The following BMP6 variants were observed in gnomAD, a reference collection of about 807,000 sequenced individuals.
BMP6 encodes the protein VG-1-R.
In BMP6, 17 loss-of-function variants were observed where a neutral mutation model predicts 54.1. The ratio of observed to expected loss-of-function variants is 0.31; its 90% CI spans 0.22 to 0.47. The LOEUF is 0.47. Among genes scored for constraint, BMP6 ranks in the 20% least tolerant of loss-of-function variants. The pLI is 1.00. For missense variants in BMP6, 720 were observed against 690.4 expected (o/e 1.04, Z -0.48); for synonymous variants, 328 against 291.2 (o/e 1.13, Z -1.28).
At chr6:7,782,328 G>T (rs186281685) in intron 1 of BMP6, among the ~76,000 whole-genome samples, 1 of 152,234 alleles carries the variant, frequency 6.6e-6, no homozygotes, top group African/African-American at 2.4e-5. Flanking sequence ...CATCAGAGGG[G>T]GATTGTTGAA....
At chr6:7,804,446 A>G (rs1758317018) in intron 1 of BMP6, among the ~76,000 whole-genome samples, 1 of 151,980 alleles carries the variant, frequency 6.6e-6, no homozygotes, top group South Asian at 2.1e-4. Context: ...GTTTATACAT[A>G]GTGATTGTCA....
At chr6:7,826,882 T>C (rs1758705479) in intron 1 of BMP6, among the ~76,000 whole-genome samples, 1 of 152,034 alleles carries the variant, frequency 6.6e-6, no homozygotes, top group South Asian at 2.1e-4. Context: ...TAGGGGGAGG[T>C]GCTCTTTGGC....
intron 1 of BMP6, among the ~76,000 whole-genome samples, chr6:7,783,641 T>G (rs536658914): frequency 1.3e-5 from 2 of 152,264 alleles, no homozygotes; most frequent in Non-Finnish European, 2.9e-5. Context: ...TAAAAATTGT[T>G]AAGATTGACT....
chr6:7,855,590 T>C (rs1759215925), intron 2 of BMP6, among the ~76,000 whole-genome samples: 1 of 145,450 alleles, frequency 6.9e-6, no homozygotes, highest in Non-Finnish European at 1.5e-5. Flanking sequence ...TGAGATGAGT[T>C]GTGCTCTGTC....
intron 1 of BMP6, among the ~76,000 whole-genome samples, chr6:7,798,639 T>C (rs1758225457): frequency 6.6e-6 from 1 of 152,204 alleles, no homozygotes; most frequent in Admixed American, 6.5e-5. Flanking sequence ...CCTCAGATGT[T>C]CCTTCCACAC....
intron 1 of BMP6, among the ~76,000 whole-genome samples, chr6:7,767,791 C>T (rs1757714243): frequency 6.6e-6 from 1 of 152,052 alleles, no homozygotes; most frequent in Admixed American, 6.6e-5. Context: ...GTTTTTTGCT[C>T]TTAGTGTGCC....
intron 1 of BMP6, among the ~76,000 whole-genome samples, chr6:7,737,770 C>G (rs892404052): frequency 3.6e-4 from 55 of 152,200 alleles, no homozygotes; most frequent in African/African-American, 1.3e-3. Flanking sequence ...TTATACACGT[C>G]CATGGAGTCT....
chr6:7,857,007 C>G (rs931097654), intron 2 of BMP6, among the ~76,000 whole-genome samples: 1 of 152,098 alleles, frequency 6.6e-6, no homozygotes, highest in Non-Finnish European at 1.5e-5. Flanking sequence ...GAAGCCTGTC[C>G]ACCAGGAGCT....
At chr6:7,828,068 T>C (rs1412624578) in intron 1 of BMP6, among the ~76,000 whole-genome samples, 3 of 152,274 alleles carry the variant, frequency 2.0e-5, no homozygotes, top group Non-Finnish European at 4.4e-5. Context: ...GTTTTTGTTT[T>C]GTTTTGTTTC....
At chr6:7,877,095 G>GT (rs1455946148) in intron 4 of BMP6, among the ~76,000 whole-genome samples, 1 of 151,928 alleles carries the variant, frequency 6.6e-6, no homozygotes, top group East Asian at 1.9e-4. Flanking sequence ...CTGTCTTATG[G>GT]TGATAGTTGG....
intron 1 of BMP6, among the ~76,000 whole-genome samples, chr6:7,827,056 C>CTTG (rs1489138676): frequency 6.6e-6 from 1 of 152,208 alleles, no homozygotes; most frequent in Non-Finnish European, 1.5e-5. Context: ...TCCTTGGAGG[C>CTTG]TTGCTGCCCG....
intron 1 of BMP6, among the ~76,000 whole-genome samples, chr6:7,734,699 C>T (rs1456392195): frequency 1.3e-5 from 2 of 152,210 alleles, no homozygotes; most frequent in African/African-American, 4.8e-5. Context: ...TGGCATTGTT[C>T]CACTGATATC....
intron 1 of BMP6, among the ~76,000 whole-genome samples, chr6:7,821,082 C>A (rs528357664): frequency 1.3e-5 from 2 of 152,254 alleles, no homozygotes; most frequent in Non-Finnish European, 2.9e-5. Flanking sequence ...GGGGACCCCT[C>A]TTCTATGGGA....
intron 1 of BMP6, among the ~76,000 whole-genome samples, chr6:7,742,138 C>T (rs1757275475): frequency 6.6e-6 from 1 of 152,118 alleles, no homozygotes; most frequent in African/African-American, 2.4e-5. Context: ...CTGTATGTGG[C>T]AGTGGTTATA....
At chr6:7,775,040 C>A (rs1376229587) in intron 1 of BMP6, among the ~76,000 whole-genome samples, 1 of 152,152 alleles carries the variant, frequency 6.6e-6, no homozygotes, top group Admixed American at 6.5e-5. Flanking sequence ...AGTTCACTGA[C>A]CTACTCCCAC....
chr6:7,870,734 TCTC>T lies in BMP6; in HGVS notation c.1204+8239_1204+8241del, dbSNP rs377155905. ...CCTCTGCCTCCCGGGTTCAAGCAAT[TCTC>T]CTGCCTCGGCCTCCCGAGTAGCTGG... is the stretch of plus-strand genomic sequence containing the variant. On this transcript the variant is annotated intron_variant, in intron 4 of 6. Coordinates refer to ENST00000283147, the MANE Select transcript of BMP6 (RefSeq NM_001718.6). 4.0e-3 allele frequency among the ~76,000 whole-genome samples: 606 copies of T among 152,290 alleles called. 3 individuals carry two copies. The highest frequency in any genetic ancestry group is 0.014 in the African/African-American group (570 of 41,556).
At chr6:7,767,892 G>A (rs1454425752) in intron 1 of BMP6, among the ~76,000 whole-genome samples, 4 of 152,132 alleles carry the variant, frequency 2.6e-5, no homozygotes, top group African/African-American at 9.7e-5. Context: ...AAGGTGTTGT[G>A]GAGGGGAAGC....
chr6:7,765,719 C>T (rs1378815430), intron 1 of BMP6, among the ~76,000 whole-genome samples: 1 of 152,248 alleles, frequency 6.6e-6, no homozygotes, highest in Admixed American at 6.5e-5. Context: ...CGGTTATTCT[C>T]TCACAGCTGT....
intron 1 of BMP6, among the ~76,000 whole-genome samples, chr6:7,810,457 GTCTTT>G (rs1006921059): frequency 3.9e-5 from 6 of 152,176 alleles, no homozygotes; most frequent in African/African-American, 1.4e-4. Context: ...GCCATGGTCG[GTCTTT>G]TCTTGTGTTT....
Sources: gnomAD v4.1 joint callset for allele counts (sites outside exome capture counted in the v4.1 genomes callset) on GRCh38, gnomAD v4.1.1 for gene constraint, MANE v1.5 for transcripts, NCBI Gene and HGNC (gene_info 2026-07-23, HGNC 2026-07-21) for gene names.